The following RYR2 variants were observed in gnomAD, a reference collection of about 807,000 sequenced individuals.
The protein encoded by RYR2 is ryanodine receptor 2, also known as cardiac muscle ryanodine receptor-calcium release channel.
A neutral mutation model predicts 601.1 loss-of-function variants in RYR2; 227 were observed. The ratio of observed to expected loss-of-function variants is 0.38; its 90% confidence interval spans 0.34 to 0.42. RYR2 has a LOEUF of 0.42. Ranked by LOEUF, RYR2 falls within the 10% of genes least tolerant of loss-of-function variation. RYR2 has a pLI of 1.00. For missense variants in RYR2, 4,646 were observed against 6,156.5 expected, an observed-to-expected ratio of 0.75 and a Z score of 8.21; for synonymous variants, 2,223 against 2,175.1, an observed-to-expected ratio of 1.02 and a Z score of -0.61.
rs1410802553 is a variant in RYR2, at chr1:237,355,968, G to A, written c.277G>A (p.Val93Ile). The A allele has an allele frequency of 1.9e-6, 3 of 1,605,556 alleles. No individual in the cohort carries two copies. Among genetic ancestry groups the A allele is most frequent in the Admixed American group, 3.4e-5 (2 of 58,992 alleles). The change falls in exon 4 of 105, where the codon GTT becomes ATT. Residue 93 changes from valine to isoleucine, a missense_variant. Val to Ile is a conservative substitution (Grantham distance 29, BLOSUM62 3). Around this residue, in one of 17 missense-constraint regions of RYR2, gnomAD observed 153 missense variants for 203.6 expected, o/e 0.75. Transcript: ENST00000366574. The stretch of plus-strand genomic sequence containing the variant: ...TTTTGGCTTTTTCTTTCCACAGCAA[G>A]TTGATGTGGAAAAATGGGTATGTGT... ...ANTVEKSEGQVDVEKWKFMMK... is the reference protein window; with the variant it reads ...ANTVEKSEGQIDVEKWKFMMK...
chr1:237,802,992 C>A (rs1660153173), intron 98 of RYR2, among the ~76,000 whole-genome samples: 1 of 152,206 alleles, frequency 6.6e-6, no homozygotes, highest in African/African-American at 2.4e-5. Flanking sequence ...TTTGGCCAAT[C>A]ACCTCTCAAC....
At chr1:237,109,166 A>G in intron 1 of RYR2, among the ~76,000 whole-genome samples, 1 of 151,656 alleles carries the variant, frequency 6.6e-6, no homozygotes. Flanking sequence ...TATATATAAA[A>G]TACATATATA....
rs370988978 is a variant in RYR2, at chr1:237,514,349, C to A, written c.2822+2558C>A. Among the ~76,000 whole-genome samples, 9 of 152,310 alleles carry A rather than the reference C, an allele frequency of 5.9e-5. No individual in the cohort carries two copies. The South Asian group carries it at 1.7e-3, about 28-fold the overall frequency. On this transcript the variant is annotated intron_variant, in intron 24 of 104. Transcript: ENST00000366574. The stretch of plus-strand genomic sequence containing the variant: ...CTATTACATGTAATCCAGTGTCATA[C>A]CTACCAGCTGCTGGTGGCTGATTTG...
At chr1:237,201,332 T>G (rs2149046821) in intron 1 of RYR2, among the ~76,000 whole-genome samples, 1 of 152,320 alleles carries the variant, frequency 6.6e-6, no homozygotes, top group South Asian at 2.1e-4. Context: ...GAACTTGATC[T>G]CGACGGCTAT....
intron 1 of RYR2, among the ~76,000 whole-genome samples, chr1:237,043,369 T>C (rs1451266672): frequency 6.6e-6 from 1 of 152,092 alleles, no homozygotes. Flanking sequence ...GCTTATTGCA[T>C]GCCAAGTGAA....
intron 50 of RYR2, 38 bp from the exon 51 acceptor site, chr1:237,651,373 A>G: frequency 2.2e-6 from 3 of 1,393,302 alleles, no homozygotes; most frequent in East Asian, 2.4e-5. Context: ...GTTTAGAAAC[A>G]TTTCTTGGCA....
At position 237,440,936 on chromosome 1, in the gene RYR2, A is replaced by C. The variant is rs78814672; in HGVS notation, c.1006-383A>C. 1.7e-3 allele frequency among the ~76,000 whole-genome samples: 254 copies of C among 152,164 alleles called. 7 individuals are homozygous for C. The East Asian group carries it at 0.045, about 27-fold the overall frequency. ...TAACATCTTAGAGGTAATGAGTGGC[A>C]GAGGCTGGACTCAAAATTAAATCTC... On this transcript the variant is annotated intron_variant, in intron 12 of 104. Coordinates refer to ENST00000366574, the MANE Select transcript of RYR2 (RefSeq NM_001035.3).
At chr1:237,767,782 AT>A (rs1169105595) in intron 84 of RYR2, among the ~76,000 whole-genome samples, 1 of 152,194 alleles carries the variant, frequency 6.6e-6, no homozygotes, top group Non-Finnish European at 1.5e-5. Context: ...ACTTTTCACT[AT>A]TTTAAAATAT....
At chr1:237,527,164 T>C (rs998573435) in intron 24 of RYR2, among the ~76,000 whole-genome samples, 1 of 152,236 alleles carries the variant, frequency 6.6e-6, no homozygotes, top group African/African-American at 2.4e-5. Context: ...GATCTATGTG[T>C]CTAATTTTGT....
chr1:237,729,016 G>A (rs1001246326), intron 76 of RYR2, among the ~76,000 whole-genome samples: 2 of 151,862 alleles, frequency 1.3e-5, no homozygotes, highest in Admixed American at 1.3e-4. Context: ...CTCCTATACT[G>A]TCATTGCCCA....
intron 1 of RYR2, among the ~76,000 whole-genome samples, chr1:237,178,977 C>T (rs570434639): frequency 3.3e-5 from 5 of 152,130 alleles, no homozygotes; most frequent in Admixed American, 1.3e-4. Flanking sequence ...TGTCTTTGAC[C>T]ATTGCCACCT....
intron 1 of RYR2, among the ~76,000 whole-genome samples, chr1:237,081,280 TA>T (rs397815900): frequency 0.044 from 2,458 of 56,246 alleles, 64 homozygotes; most frequent in African/African-American, 0.098. Flanking sequence ...TAGAGTATAA[TA>T]AAAAAAAAAA....
intron 38 of RYR2, among the ~76,000 whole-genome samples, chr1:237,620,243 A>G (rs1439182541): frequency 6.6e-6 from 1 of 152,164 alleles, no homozygotes; most frequent in Admixed American, 6.6e-5. Context: ...TGGTGTTGAC[A>G]TTGTACCATC....
At chr1:237,609,831 G>A (rs1280377961) in intron 35 of RYR2, among the ~76,000 whole-genome samples, 5 of 151,948 alleles carry the variant, frequency 3.3e-5, no homozygotes, top group African/African-American at 1.2e-4. Context: ...TTTACTTATT[G>A]ATTTTATTTC....
intron 38 of RYR2, among the ~76,000 whole-genome samples, chr1:237,622,796 C>A (rs926410574): frequency 2.0e-5 from 3 of 152,154 alleles, no homozygotes; most frequent in African/African-American, 2.4e-5. Context: ...TATGCAATTT[C>A]TGTGCCATTT....
chr1:237,312,542 G>C (rs995544245), intron 2 of RYR2, among the ~76,000 whole-genome samples: 1 of 152,268 alleles, frequency 6.6e-6, no homozygotes, highest in South Asian at 2.1e-4. Flanking sequence ...AAAACTACCT[G>C]CTTTCTGGTA....
At chr1:237,663,320 T>C (rs1482752956) in intron 56 of RYR2, among the ~76,000 whole-genome samples, 1 of 152,250 alleles carries the variant, frequency 6.6e-6, no homozygotes. Flanking sequence ...TTTTCTATCA[T>C]GTATAAACTC....
intron 53 of RYR2, among the ~76,000 whole-genome samples, chr1:237,657,300 ACTTT>A (rs1558155681): frequency 6.6e-6 from 1 of 152,160 alleles, no homozygotes; most frequent in East Asian, 1.9e-4. Flanking sequence ...CAAAGTTAAT[ACTTT>A]AATAAGATAT....
rs1425167028 is a variant in RYR2 at position 237,127,403 on chromosome 1, C to T, written c.48+84834C>T. On this transcript the variant is annotated intron_variant, in intron 1 of 104. Coordinates refer to ENST00000366574, the MANE Select transcript of RYR2 (RefSeq NM_001035.3). ...TCACCTCCCGGACGGGGCGGCTGGCCGGGCGGGGGGCTGACCCCCCCACCT... is the reference window on the plus strand; with the variant it reads ...TCACCTCCCGGACGGGGCGGCTGGCTGGGCGGGGGGCTGACCCCCCCACCT... Among the ~76,000 whole-genome samples the T allele has an allele frequency of 9.1e-3, 1,347 of 148,660 alleles. 15 individuals carry two copies. Among genetic ancestry groups the T allele is most frequent in the African/African-American group, 0.032 (1,277 of 40,054 alleles).
Sources: allele counts gnomAD v4.1 joint callset (sites outside exome capture counted in the v4.1 genomes callset), GRCh38; gene constraint gnomAD v4.1.1; regional missense constraint gnomAD v4.1.1; transcripts MANE v1.5; gene names NCBI Gene and HGNC (gene_info 2026-07-23, HGNC 2026-07-21).